Variants in PTGES observed in about 807,000 individuals in gnomAD.
PTGES encodes prostaglandin E synthase.
PTGES carries 3 observed loss-of-function variants against 11.8 expected under a neutral mutation model. The observed-to-expected ratio is 0.25, with a 90% confidence interval of 0.12 to 0.66. PTGES has a LOEUF of 0.66. Ranked by LOEUF, PTGES falls within the 30% of genes least tolerant of loss-of-function variation. The pLI is 0.82. For missense variants in PTGES, 180 were observed against 213.0 expected (o/e 0.85, Z 0.96); for synonymous variants, 94 against 90.4 (o/e 1.04, Z -0.22).
At position 129,739,704 on chromosome 9, in the gene PTGES, C is replaced by T. The variant is rs866706246; in HGVS notation, c.366G>A (p.Arg122=). ...TGTAGGTCACGGAGCGGATGGGTGCCCGCAGCTTCCCCAGGTAGGCCACGG... is the reference window on the plus strand; with the variant it reads ...TGTAGGTCACGGAGCGGATGGGTGCTCGCAGCTTCCCCAGGTAGGCCACGG... ...AHTVAYLGKL[R]APIRSVTYTL... is the part of the protein sequence containing the mutation. Residue 122 remains arginine (R), a synonymous_variant, in exon 3 of 3, where the codon CGG becomes CGA. Coordinates refer to ENST00000340607, the MANE Select transcript of PTGES (RefSeq NM_004878.5). This position sits in a 1 kb window ranked among gnomAD's most constrained non-coding sequence, Gnocchi z 5.7. 4 of 1,568,992 alleles carry T rather than the reference C, an allele frequency of 2.5e-6. No homozygotes were observed. The highest frequency in any genetic ancestry group is 1.2e-5 in the South Asian group (1 of 85,240).
At chr9:129,742,328 C>CAAAAAA (rs1194614585) in intron 2 of PTGES, among the ~76,000 whole-genome samples, 3 of 51,094 alleles carry the variant, frequency 5.9e-5, no homozygotes, top group Non-Finnish European at 8.6e-5. Flanking sequence ...GACTCTGTCT[C>CAAAAAA]AAAAAAAAAA....
In PTGES at chr9:129,739,395, G is replaced by T; in HGVS notation, c.*216C>A. 2 of 617,722 alleles carry T rather than the reference G, an allele frequency of 3.2e-6. No individual in the cohort carries two copies. Among genetic ancestry groups the T allele is most frequent in the Non-Finnish European group, 5.5e-6 (2 of 365,888 alleles). 38.3% of individuals were successfully genotyped at this position (617,722 alleles called of 1,614,324 possible). On this transcript the variant is annotated 3_prime_UTR_variant, in exon 3 of 3. Transcript: ENST00000340607. The surrounding 1 kb of genome is among the most constrained non-coding windows in gnomAD (Gnocchi z 5.7). ...AAATGGTTCCCATCAGCCACTTCGT[G>T]CAGGAATCCAAGGGGCTAAGAAACA...
At chr9:129,741,936 G>A (rs1443028576) in intron 2 of PTGES, among the ~76,000 whole-genome samples, 3 of 151,950 alleles carry the variant, frequency 2.0e-5, no homozygotes, top group African/African-American at 7.2e-5. Flanking sequence ...TAAAAGAGAG[G>A]GAGAAACCAA....
intron 2 of PTGES, among the ~76,000 whole-genome samples, chr9:129,747,871 A>G (rs766964334): frequency 1.1e-3 from 160 of 151,996 alleles, no homozygotes; most frequent in Non-Finnish European, 1.8e-3. Context: ...TTAGCCAGGC[A>G]TGATGGTGCA....
At chr9:129,750,948 G>A (rs567959973) in intron 1 of PTGES, among the ~76,000 whole-genome samples, 21 of 152,282 alleles carry the variant, frequency 1.4e-4, no homozygotes, top group African/African-American at 4.3e-4. Flanking sequence ...CCAAGGAGTG[G>A]GGGTTTCCTT....
intron 1 of PTGES, among the ~76,000 whole-genome samples, chr9:129,750,923 C>T (rs528618648): frequency 2.9e-4 from 44 of 152,302 alleles, no homozygotes; most frequent in African/African-American, 1.0e-3. Flanking sequence ...TCATGAGGAA[C>T]ACCTCAGGAG....
intron 2 of PTGES, 33 bp downstream of exon 2, chr9:129,748,622 G>A: frequency 6.6e-7 from 1 of 1,517,096 alleles, no homozygotes; most frequent in African/African-American, 1.4e-5. Flanking sequence ...GCCATGGCCA[G>A]GTGTGGCCAG....
At chr9:129,746,338 C>T (rs765521832) in intron 2 of PTGES, among the ~76,000 whole-genome samples, 2 of 152,110 alleles carry the variant, frequency 1.3e-5, no homozygotes, top group Non-Finnish European at 2.9e-5. Flanking sequence ...AGGGCCGCCA[C>T]AGCTGGGGAC....
intron 1 of PTGES, among the ~76,000 whole-genome samples, chr9:129,750,836 C>G (rs1833096298): frequency 2.6e-5 from 4 of 152,178 alleles, no homozygotes. Context: ...GAGCCAGGGC[C>G]TGTGACTGTC....
Position 129,739,941 on chromosome 9 carries a change from G to C in PTGES, c.210-81C>G. ...CTTTTGAGAGTGTCATGGAAGCTGG[G>C]GGTGCTTTGACCCACTGGGGGTCAT... On this transcript the variant is annotated intron_variant, in intron 2 of 2. Coordinates refer to ENST00000340607, the MANE Select transcript of PTGES (RefSeq NM_004878.5). The surrounding 1 kb of genome is among the most constrained non-coding windows in gnomAD (Gnocchi z 5.7). 1 of 1,485,746 alleles carries C rather than the reference G, an allele frequency of 6.7e-7. No homozygotes were observed. Among genetic ancestry groups the C allele is most frequent in the Non-Finnish European group, 9.0e-7 (1 of 1,111,762 alleles). 92.0% of individuals were successfully genotyped at this position (1,485,746 alleles called of 1,614,324 possible).
chr9:129,752,058 C>T (rs2130956162), intron 1 of PTGES, among the ~76,000 whole-genome samples: 1 of 152,342 alleles, frequency 6.6e-6, no homozygotes, highest in East Asian at 1.9e-4. Flanking sequence ...AGGGCCTGAG[C>T]CTGGCTTGTG....
At chr9:129,751,639 G>A (rs71499486) in intron 1 of PTGES, among the ~76,000 whole-genome samples, 9,567 of 150,966 alleles carry the variant, frequency 0.063, 567 homozygotes, top group African/African-American at 0.16. Flanking sequence ...AGATCATGCC[G>A]CTGCACTCCA....
chr9:129,752,781 G>A, intron 1 of PTGES, 106 bp downstream of exon 1: 1 of 1,564,464 alleles, frequency 6.4e-7, no homozygotes, highest in Non-Finnish European at 8.7e-7. Context: ...TCACCTCCCA[G>A]CCCTGCACAC....
At chr9:129,752,786 G>A in intron 1 of PTGES, 101 bp downstream of exon 1, 1 of 1,578,426 alleles carries the variant, frequency 6.3e-7, no homozygotes, top group Non-Finnish European at 8.6e-7. Context: ...TCCCAGCCCT[G>A]CACACACCTT....
chr9:129,748,554 C>G, intron 2 of PTGES, 101 bp downstream of exon 2: 1 of 898,344 alleles, frequency 1.1e-6, no homozygotes, highest in Non-Finnish European at 1.6e-6. Flanking sequence ...CACAGAAAAC[C>G]TCAGCCCCTG....
intron 2 of PTGES, among the ~76,000 whole-genome samples, chr9:129,743,386 G>A (rs1318692008): frequency 6.6e-6 from 1 of 152,138 alleles, no homozygotes; most frequent in South Asian, 2.1e-4. Flanking sequence ...AGACGTGCTC[G>A]GGTGAAATGC....
chr9:129,743,539 T>C (rs1167598554), intron 2 of PTGES, among the ~76,000 whole-genome samples: 1 of 152,202 alleles, frequency 6.6e-6, no homozygotes, highest in African/African-American at 2.4e-5. Flanking sequence ...TTTTCCTGCA[T>C]AGGTGACAGC....
intron 2 of PTGES, among the ~76,000 whole-genome samples, chr9:129,746,369 A>C (rs753014154): frequency 2.7e-4 from 41 of 152,302 alleles, no homozygotes; most frequent in Middle Eastern, 3.4e-3. Context: ...AATGGAAGTC[A>C]TGTATGGAGA....
intron 2 of PTGES, among the ~76,000 whole-genome samples, chr9:129,743,172 G>C (rs1375999972): frequency 6.6e-6 from 1 of 152,140 alleles, no homozygotes; most frequent in Non-Finnish European, 1.5e-5. Flanking sequence ...AGGTGGTCAG[G>C]AGCTCTGACT....
Sources: gnomAD v4.1 joint callset for allele counts (sites outside exome capture counted in the v4.1 genomes callset) on GRCh38, gnomAD v4.1.1 for gene constraint, Gnocchi (gnomAD v3.1) non-coding constraint, MANE v1.5 for transcripts, NCBI Gene and HGNC (gene_info 2026-07-23, HGNC 2026-07-21) for gene names.